Variants in IGF2BP3 observed in about 807,000 individuals in gnomAD.
The protein encoded by IGF2BP3 is insulin-like growth factor 2 mRNA-binding protein 3.
Under a neutral mutation model 73.8 loss-of-function variants are expected in IGF2BP3, and 9 were observed. The observed-to-expected ratio is 0.12, with a 90% CI of 0.07 to 0.21. The LOEUF (loss-of-function observed/expected upper bound fraction) is 0.21. Among genes scored for constraint, IGF2BP3 ranks in the 10% least tolerant of loss-of-function variants. IGF2BP3 has a pLI of 1.00. For synonymous variants in IGF2BP3, 258 were observed against 256.7 expected (o/e 1.01, Z -0.05); for missense variants, 542 against 714.0 (o/e 0.76, Z 2.75).
At chr7:23,330,002 G>C (rs1325345521) in intron 10 of IGF2BP3, among the ~76,000 whole-genome samples, 1 of 152,060 alleles carries the variant, frequency 6.6e-6, no homozygotes, top group African/African-American at 2.4e-5. Flanking sequence ...TACAGCCAGA[G>C]CTGCCAGGCA....
At chr7:23,384,085 G>C (rs1397284429) in intron 3 of IGF2BP3, among the ~76,000 whole-genome samples, 2 of 111,274 alleles carry the variant, frequency 1.8e-5, no homozygotes, top group Non-Finnish European at 3.3e-5. Context: ...GACAGAGCAA[G>C]ACTCCATCTC....
In IGF2BP3 at chr7:23,411,494, T is replaced by C. The variant is rs187913046; in HGVS notation, c.285+7282A>G. Among the ~76,000 whole-genome samples, 341 of 152,290 alleles carry C rather than the reference T, an allele frequency of 2.2e-3. 1 individual carries two copies. The highest frequency in any genetic ancestry group is 3.4e-3 in the Middle Eastern group (1 of 294). On this transcript the variant is annotated intron_variant, in intron 3 of 14. Coordinates refer to ENST00000258729, the MANE Select transcript of IGF2BP3 (RefSeq NM_006547.3). ...CTACTCAGGAGGCTGAGGCGGAGAA[T>C]GGCTTGAACCCAGGAGGTGGACACT... is the stretch of plus-strand genomic sequence containing the variant.
At chr7:23,449,731 G>A (rs1321064426) in intron 2 of IGF2BP3, among the ~76,000 whole-genome samples, 48 of 151,088 alleles carry the variant, frequency 3.2e-4, no homozygotes, top group Admixed American at 3.1e-3. Flanking sequence ...CTCATTTTTT[G>A]TGTTTTTAGT....
In IGF2BP3 at chr7:23,387,942, T is replaced by C. The variant is rs368286487; in HGVS notation, c.286-26201A>G. The stretch of plus-strand genomic sequence containing the variant: ...ACTATGGAAAAGTTTAGAATTTTTT[T>C]TTTCTTTTTTTTGAGATGGAGTCTC... On this transcript the variant is annotated intron_variant, in intron 3 of 14. Coordinates refer to ENST00000258729, the MANE Select transcript of IGF2BP3 (RefSeq NM_006547.3). 1.6e-4 allele frequency among the ~76,000 whole-genome samples: 24 copies of C among 152,228 alleles called. 1 individual carries two copies. Among genetic ancestry groups the C allele is most frequent in the Admixed American group, 9.2e-4 (14 of 15,276 alleles).
At chr7:23,404,660 C>G (rs1356654557) in intron 3 of IGF2BP3, among the ~76,000 whole-genome samples, 3 of 151,628 alleles carry the variant, frequency 2.0e-5, no homozygotes, top group African/African-American at 7.3e-5. Flanking sequence ...TTTCTCATCC[C>G]CACATGGAAA....
chr7:23,433,074 C>A (rs1335206918), intron 2 of IGF2BP3, among the ~76,000 whole-genome samples: 1 of 152,152 alleles, frequency 6.6e-6, no homozygotes, highest in Admixed American at 6.5e-5. Flanking sequence ...TTAATATTAA[C>A]ACAATATAGT....
chr7:23,466,274 T>C (rs988262239), intron 2 of IGF2BP3, among the ~76,000 whole-genome samples: 1 of 152,132 alleles, frequency 6.6e-6, no homozygotes, highest in Non-Finnish European at 1.5e-5. Context: ...CCACCCACCT[T>C]GGCCTCCCAA....
intron 2 of IGF2BP3, among the ~76,000 whole-genome samples, chr7:23,454,256 G>A (rs887168707): frequency 2.6e-5 from 4 of 151,858 alleles, no homozygotes; most frequent in African/African-American, 4.8e-5. Flanking sequence ...TTTCCTTTAC[G>A]TATGATCTCT....
intron 10 of IGF2BP3, among the ~76,000 whole-genome samples, chr7:23,334,724 C>T (rs900469885): frequency 7.2e-5 from 11 of 152,182 alleles, no homozygotes; most frequent in African/African-American, 2.7e-4. Flanking sequence ...CTTGAAATAA[C>T]AGAAGAACAA....
intron 10 of IGF2BP3, among the ~76,000 whole-genome samples, chr7:23,340,853 T>C (rs991036665): frequency 6.9e-6 from 1 of 145,636 alleles, no homozygotes; most frequent in African/African-American, 2.7e-5. Context: ...CTTTTTCTTT[T>C]TTTTTTTTTT....
chr7:23,436,414 T>C (rs139615521), intron 2 of IGF2BP3, among the ~76,000 whole-genome samples: 1 of 152,318 alleles, frequency 6.6e-6, no homozygotes, highest in East Asian at 1.9e-4. Flanking sequence ...CCAGTCATCA[T>C]TTGGTGATTC....
intron 5 of IGF2BP3, among the ~76,000 whole-genome samples, chr7:23,352,278 A>AT (rs70966011): frequency 0.029 from 2,134 of 73,804 alleles, 91 homozygotes; most frequent in African/African-American, 0.039. Context: ...TCTCTTTTTC[A>AT]TTTTTTTTTT....
At chr7:23,385,941 G>A (rs1309632099) in intron 3 of IGF2BP3, among the ~76,000 whole-genome samples, 4 of 152,096 alleles carry the variant, frequency 2.6e-5, no homozygotes, top group Non-Finnish European at 5.9e-5. Context: ...CATGGTTTAT[G>A]AGAATTTTTT....
chr7:23,446,455 C>A (rs1001547667), intron 2 of IGF2BP3, among the ~76,000 whole-genome samples: 1 of 151,838 alleles, frequency 6.6e-6, no homozygotes, highest in Non-Finnish European at 1.5e-5. Context: ...CCCAGCTATT[C>A]GGGAGGCAGG....
chr7:23,335,335 T>G (rs1407265949), intron 10 of IGF2BP3, among the ~76,000 whole-genome samples: 1 of 151,662 alleles, frequency 6.6e-6, no homozygotes, highest in Non-Finnish European at 1.5e-5. Flanking sequence ...CAGGCTGGAG[T>G]GCAGTGGCTC....
intron 3 of IGF2BP3, among the ~76,000 whole-genome samples, chr7:23,388,731 T>G (rs1378517619): frequency 6.6e-6 from 1 of 152,092 alleles, no homozygotes; most frequent in East Asian, 1.9e-4. Context: ...GGCTTCTTTC[T>G]GCATCTGTTG....
intron 10 of IGF2BP3, among the ~76,000 whole-genome samples, chr7:23,338,252 T>C (rs563214135): frequency 3.9e-5 from 6 of 152,156 alleles, no homozygotes; most frequent in Non-Finnish European, 7.3e-5. Flanking sequence ...ACAACTAGTA[T>C]GTATTTGTGC....
chr7:23,455,547 G>A (rs1216325636), intron 2 of IGF2BP3, among the ~76,000 whole-genome samples: 1 of 152,124 alleles, frequency 6.6e-6, no homozygotes, highest in East Asian at 1.9e-4. Context: ...CTCTTTACTT[G>A]GAGAGATTTT....
At chr7:23,362,543 G>C (rs773143487) in intron 3 of IGF2BP3, 1 of 152,168 alleles carries the variant, frequency 6.6e-6, no homozygotes, top group Non-Finnish European at 1.5e-5. Context: ...TCCTGTAGCT[G>C]TATTATTATA....
Sources: gnomAD v4.1 joint callset for allele counts (sites outside exome capture counted in the v4.1 genomes callset) on GRCh38, gnomAD v4.1.1 for gene constraint, MANE v1.5 for transcripts, NCBI Gene and HGNC (gene_info 2026-07-23, HGNC 2026-07-21) for gene names.